DPP10: variants seen among roughly 807,000 people sequenced by gnomAD.
The protein encoded by DPP10 is inactive dipeptidyl peptidase 10.
In DPP10, 33 loss-of-function variants were observed where a neutral mutation model predicts 120.9. The ratio of observed to expected loss-of-function variants is 0.27; its 90% confidence interval spans 0.21 to 0.37. DPP10 has a LOEUF of 0.37. Among genes scored for constraint, DPP10 ranks in the 10% least tolerant of loss-of-function variants. The probability of loss-of-function intolerance (pLI) is 1.00; values close to 1 mark genes in which losing one functional copy is unlikely to be tolerated. For missense variants in DPP10, 816 were observed against 942.8 expected (o/e 0.87, Z 1.76); for synonymous variants, 337 against 326.1 (o/e 1.03, Z -0.36).
intron 1 of DPP10, among the ~76,000 whole-genome samples, chr2:114,459,820 T>C (rs1038922515): frequency 1.3e-5 from 2 of 152,158 alleles, no homozygotes; most frequent in African/African-American, 2.4e-5. Context: ...ATGTTTTTAA[T>C]ATTTCTTGAG....
chr2:114,847,873 C>A lies in DPP10; in HGVS notation c.60+405035C>A, dbSNP rs546459833. ...ATAATGGTTCAGGCAACAGGGCAAACAGACCTTGCGTGTACCCACCAATAA... is the reference window on the plus strand; with the variant it reads ...ATAATGGTTCAGGCAACAGGGCAAAAAGACCTTGCGTGTACCCACCAATAA... On this transcript the variant is annotated intron_variant, in intron 1 of 25. Coordinates refer to ENST00000410059, the MANE Select transcript of DPP10 (RefSeq NM_020868.6). Among the ~76,000 whole-genome samples, 3 of 152,234 alleles carry A rather than the reference C, an allele frequency of 2.0e-5. 1 individual carries two copies. The highest frequency in any genetic ancestry group is 7.2e-5 in the African/African-American group (3 of 41,542).
At chr2:115,519,397 C>A (rs2077674583) in intron 4 of DPP10, among the ~76,000 whole-genome samples, 2 of 151,820 alleles carry the variant, frequency 1.3e-5, no homozygotes, top group Non-Finnish European at 2.9e-5. Context: ...ACTCCAATAT[C>A]AAAATGCATG....
intron 1 of DPP10, among the ~76,000 whole-genome samples, chr2:115,019,826 A>G (rs921874955): frequency 1.3e-5 from 2 of 152,182 alleles, no homozygotes; most frequent in African/African-American, 4.8e-5. Context: ...CTCAGCAGAA[A>G]CTCTATGAGC....
intron 1 of DPP10, among the ~76,000 whole-genome samples, chr2:114,776,216 GAAC>G (rs1225361235): frequency 6.6e-6 from 1 of 152,092 alleles, no homozygotes; most frequent in Non-Finnish European, 1.5e-5. Context: ...GTGAACAATT[GAAC>G]AACAATTAGA....
At chr2:115,151,175 T>C (rs2051523668) in intron 1 of DPP10, among the ~76,000 whole-genome samples, 1 of 152,136 alleles carries the variant, frequency 6.6e-6, no homozygotes, top group African/African-American at 2.4e-5. Context: ...GTCTTAAATA[T>C]GTTACTTCAT....
At chr2:115,250,081 C>T (rs1210357419) in intron 1 of DPP10, among the ~76,000 whole-genome samples, 2 of 151,976 alleles carry the variant, frequency 1.3e-5, no homozygotes, top group Non-Finnish European at 2.9e-5. Flanking sequence ...TTCTTTTTCT[C>T]TTTTTCTTCT....
At chr2:115,209,817 A>G (rs2056388495) in intron 1 of DPP10, among the ~76,000 whole-genome samples, 1 of 152,160 alleles carries the variant, frequency 6.6e-6, no homozygotes, top group Admixed American at 6.5e-5. Flanking sequence ...AGAATTACAC[A>G]TATGTCTTAA....
At chr2:115,840,311 G>GTGTTTTT (rs1575965088) in intron 24 of DPP10, among the ~76,000 whole-genome samples, 2 of 33,242 alleles carry the variant, frequency 6.0e-5, no homozygotes, top group African/African-American at 9.0e-5. Flanking sequence ...CAGATATAAG[G>GTGTTTTT]TTTTTTGGTT....
At chr2:115,110,784 T>A (rs1284632933) in intron 1 of DPP10, among the ~76,000 whole-genome samples, 1 of 152,118 alleles carries the variant, frequency 6.6e-6, no homozygotes, top group Non-Finnish European at 1.5e-5. Context: ...TTTTTTCCCC[T>A]GATTTACTAG....
chr2:115,705,975 G>T (rs2149550221), intron 7 of DPP10, among the ~76,000 whole-genome samples: 1 of 151,604 alleles, frequency 6.6e-6, no homozygotes, highest in East Asian at 1.9e-4. Context: ...GGATAAGTCT[G>T]TTTGGGTTTA....
intron 1 of DPP10, chr2:115,161,643 G>A (rs1386496186): frequency 1.5e-5 from 4 of 258,952 alleles, no homozygotes; most frequent in Non-Finnish European, 2.9e-5. Flanking sequence ...CAGGGGCCGG[G>A]GCCCCGCCGC....
At chr2:115,154,068 T>A (rs2051739396) in intron 1 of DPP10, among the ~76,000 whole-genome samples, 1 of 152,204 alleles carries the variant, frequency 6.6e-6, no homozygotes, top group African/African-American at 2.4e-5. Context: ...TTGAGCATAA[T>A]CTTAGAAATT....
intron 5 of DPP10, among the ~76,000 whole-genome samples, chr2:115,561,649 G>C (rs1036291486): frequency 6.6e-5 from 10 of 152,206 alleles, no homozygotes; most frequent in Admixed American, 5.9e-4. Context: ...AGTATTTCAA[G>C]TAATATAGAA....
chr2:115,330,258 A>T (rs1321108681), intron 2 of DPP10, among the ~76,000 whole-genome samples: 1 of 152,060 alleles, frequency 6.6e-6, no homozygotes, highest in Non-Finnish European at 1.5e-5. Flanking sequence ...GTCTGTTCAT[A>T]TCTTTTGCCC....
At chr2:115,825,465 GTA>G (rs1688214741) in intron 21 of DPP10, among the ~76,000 whole-genome samples, 1 of 152,134 alleles carries the variant, frequency 6.6e-6, no homozygotes, top group South Asian at 2.1e-4. Context: ...AAGTCAGACT[GTA>G]TGCTTTGTCA....
intron 7 of DPP10, among the ~76,000 whole-genome samples, chr2:115,692,601 A>G (rs1277380292): frequency 6.6e-6 from 1 of 152,064 alleles, no homozygotes; most frequent in Non-Finnish European, 1.5e-5. Flanking sequence ...CCTATCCTTT[A>G]ACTAGTTCTT....
chr2:114,964,580 C>T (rs1284780026), intron 1 of DPP10, among the ~76,000 whole-genome samples: 2 of 151,788 alleles, frequency 1.3e-5, no homozygotes, highest in Non-Finnish European at 2.9e-5. Context: ...GAAGACTATC[C>T]AAGCAGAGGG....
At chr2:115,498,840 T>C (rs1381684988) in intron 3 of DPP10, among the ~76,000 whole-genome samples, 1 of 151,860 alleles carries the variant, frequency 6.6e-6, no homozygotes, top group African/African-American at 2.4e-5. Context: ...CAAACTTACC[T>C]CAAAAATATG....
At chr2:115,707,091 A>G (rs1445864784) in intron 7 of DPP10, among the ~76,000 whole-genome samples, 1 of 152,064 alleles carries the variant, frequency 6.6e-6, no homozygotes, top group Non-Finnish European at 1.5e-5. Context: ...AAGGATTGAA[A>G]GCAAATATAC....
Sources: gnomAD v4.1 joint callset for allele counts (sites outside exome capture counted in the v4.1 genomes callset) on GRCh38, gnomAD v4.1.1 for gene constraint, MANE v1.5 for transcripts, NCBI Gene and HGNC (gene_info 2026-07-23, HGNC 2026-07-21) for gene names.